Variants in ABCE1 observed in about 807,000 individuals in gnomAD.
The protein encoded by ABCE1 is ATP binding cassette subfamily E member 1, also known as ATP-binding cassette sub-family E member 1.
A neutral mutation model predicts 83.4 loss-of-function variants in ABCE1; 22 were observed. The observed-to-expected ratio is 0.26, with a 90% CI of 0.19 to 0.38. ABCE1 has a LOEUF of 0.38. ABCE1 is among the 10% of genes least tolerant of loss of function. The pLI is 1.00. For synonymous variants in ABCE1, 204 were observed against 233.7 expected, an observed-to-expected ratio of 0.87 and a Z score of 1.16; for missense variants, 330 against 721.9, an observed-to-expected ratio of 0.46 and a Z score of 6.22.
chr4:145,104,382 A>G lies in ABCE1; in HGVS notation c.-27-4A>G. On this transcript the variant is annotated splice_region_variant and splice_polypyrimidine_tract_variant and intron_variant, in intron 1 of 17. Transcript: ENST00000296577. ...CATTAAATTTGTTGATTTTTCTTTC[A>G]TAGAAGAGCTGGATATTCTTTCGCC... The G allele has an allele frequency of 6.8e-7, 1 of 1,467,554 alleles. No individual in the cohort carries two copies. The highest frequency in any genetic ancestry group is 9.3e-7 in the Non-Finnish European group (1 of 1,072,106). The allele number at this position is 1,467,554 out of a possible 1,614,324, so 90.9% of individuals were successfully genotyped here. A position where few individuals can be genotyped will look rare whatever the true frequency, so the allele number is the denominator to read the frequency against.
intron 14 of ABCE1, 33 bp from the exon 15 acceptor site, chr4:145,123,182 C>T (rs770460602): frequency 1.9e-6 from 3 of 1,593,020 alleles, no homozygotes; most frequent in Non-Finnish European, 2.6e-6. Flanking sequence ...ATTTTGGATG[C>T]CTTTACATGG....
At chr4:145,110,887 C>A in intron 7 of ABCE1, 81 bp from the exon 8 acceptor site, 2 of 887,566 alleles carry the variant, frequency 2.3e-6, no homozygotes, top group Non-Finnish European at 3.5e-6. Context: ...AGCATTCAAA[C>A]TTCAAATGAT....
intron 8 of ABCE1, 123 bp from the exon 9 acceptor site, chr4:145,112,116 A>G (rs1473250587): frequency 6.3e-6 from 4 of 636,206 alleles, no homozygotes; most frequent in African/African-American, 1.9e-5. Context: ...CTTCATTACT[A>G]TTGGAGATTT....
intron 16 of ABCE1, among the ~76,000 whole-genome samples, chr4:145,124,753 C>G (rs969737333): frequency 1.3e-5 from 2 of 152,082 alleles, no homozygotes; most frequent in African/African-American, 4.8e-5. Context: ...GATTAGAAAT[C>G]CAGGTTAAAT....
Position 145,128,683 on chromosome 4 carries a change from TCTGA to T in ABCE1, c.*1113_*1116del, listed in dbSNP as rs1749958799. ...GCCTGGAGCCACTTTAAGTTGTACT[TCTGA>T]CTAAACTGGAATTATGAGTGAGGAA... is the stretch of plus-strand genomic sequence containing the variant. On this transcript the variant is annotated 3_prime_UTR_variant, in exon 18 of 18. Coordinates refer to ENST00000296577, the MANE Select transcript of ABCE1 (RefSeq NM_002940.3). The T allele has an allele frequency of 6.6e-6, 1 of 152,208 alleles. No individual in the cohort carries two copies. Among genetic ancestry groups the T allele is most frequent in the Non-Finnish European group, 1.5e-5 (1 of 68,030 alleles). The allele number at this position is 152,208 out of a possible 1,614,324, so 9.4% of individuals were successfully genotyped here. A position where few individuals can be genotyped will look rare whatever the true frequency, so the allele number is the denominator to read the frequency against.
intron 17 of ABCE1, among the ~76,000 whole-genome samples, 178 bp from the exon 18 acceptor site, chr4:145,127,348 G>A (rs1749914077): frequency 6.6e-6 from 1 of 152,172 alleles, no homozygotes; most frequent in Non-Finnish European, 1.5e-5. Flanking sequence ...TGGGGCAGAG[G>A]TAGTTATCTT....
At position 145,111,110 on chromosome 4, in the gene ABCE1, G is replaced by A. The variant is rs1199853648; in HGVS notation, c.710+46G>A. On this transcript the variant is annotated intron_variant, in intron 8 of 17. Transcript: ENST00000296577. ...TGTTTATCTTCATCCGTATTGTAGA[G>A]TTTTCAGTTGTGATGCTGCTAATAG... 3.8e-6 allele frequency: 5 copies of A among 1,299,632 alleles called. No homozygotes were observed. The African/African-American group carries it at 6.0e-5, about 16-fold the overall frequency. The allele number at this position is 1,299,632 out of a possible 1,614,324, so 80.5% of individuals were successfully genotyped here. A position where few individuals can be genotyped will look rare whatever the true frequency, so the allele number is the denominator to read the frequency against.
At chr4:145,110,565 T>C in intron 7 of ABCE1, 121 bp downstream of exon 7, 1 of 953,714 alleles carries the variant, frequency 1.0e-6, no homozygotes, top group South Asian at 1.6e-5. Flanking sequence ...AACCTCTGCC[T>C]CCCGGGTTCA....
At chr4:145,098,900 C>CA (rs1560953033) in intron 1 of ABCE1, among the ~76,000 whole-genome samples, 1 of 152,218 alleles carries the variant, frequency 6.6e-6, no homozygotes, top group Non-Finnish European at 1.5e-5. Flanking sequence ...ATCTTGCCGC[C>CA]ATGAAGTCGA....
At chr4:145,127,366 A>T (rs1749914472) in intron 17 of ABCE1, among the ~76,000 whole-genome samples, 160 bp from the exon 18 acceptor site, 1 of 152,132 alleles carries the variant, frequency 6.6e-6, no homozygotes, top group Admixed American at 6.5e-5. Flanking sequence ...CTTTCCTTTG[A>T]GCAGTGGACC....
intron 17 of ABCE1, 59 bp downstream of exon 17, chr4:145,125,160 G>A: frequency 7.9e-7 from 1 of 1,264,874 alleles, no homozygotes; most frequent in Non-Finnish European, 1.1e-6. Flanking sequence ...ACACTTGAAA[G>A]GCTATTTAAA....
At chr4:145,119,893 C>T (rs576480988) in intron 10 of ABCE1, 39 bp from the exon 11 acceptor site, 2 of 1,503,444 alleles carry the variant, frequency 1.3e-6, no homozygotes, top group Admixed American at 3.4e-5. Context: ...GATTTTGGCT[C>T]TAATGATTTC....
At position 145,112,178 on chromosome 4, in the gene ABCE1, T is replaced by C. The variant is rs149383014; in HGVS notation, c.711-61T>C. ...GATACTACAGTGCTTTAAAATAGTATGTAAGGTAGAATGTCTTGTCTTTCA... is the reference window on the plus strand; with the variant it reads ...GATACTACAGTGCTTTAAAATAGTACGTAAGGTAGAATGTCTTGTCTTTCA... On this transcript the variant is annotated intron_variant, in intron 8 of 17. Coordinates refer to ENST00000296577, the MANE Select transcript of ABCE1 (RefSeq NM_002940.3). The C allele has an allele frequency of 4.2e-3, 5,112 of 1,208,100 alleles. 18 individuals are homozygous for C. Among genetic ancestry groups the C allele is most frequent in the Non-Finnish European group, 5.1e-3 (4,371 of 864,050 alleles). 74.8% of individuals were successfully genotyped at this position (1,208,100 alleles called of 1,614,324 possible). A position where few individuals can be genotyped will look rare whatever the true frequency, so the allele number is the denominator to read the frequency against.
At chr4:145,107,418 C>A (rs1749340929) in intron 3 of ABCE1, among the ~76,000 whole-genome samples, 1 of 152,028 alleles carries the variant, frequency 6.6e-6, no homozygotes. Context: ...GAATATAAAG[C>A]CATATATTCA....
chr4:145,112,216 C>CTTTTTTTTTTT (rs4148239), intron 8 of ABCE1, 23 bp from the exon 9 acceptor site: 8 of 1,130,614 alleles, frequency 7.1e-6, no homozygotes, highest in East Asian at 2.7e-5. Context: ...CTTATATTTG[C>CTTTTTTTTTTT]TTTTTTTTTT....
At position 145,128,926 on chromosome 4, in the gene ABCE1, A is replaced by G. The variant is rs1418371714; in HGVS notation, c.*1353A>G. The G allele has an allele frequency of 6.6e-6, 1 of 152,182 alleles. No homozygotes were observed. Among genetic ancestry groups the G allele is most frequent in the African/African-American group, 2.4e-5 (1 of 41,440 alleles). The allele number at this position is 152,182 out of a possible 1,614,324, so 9.4% of individuals were successfully genotyped here. Reference sequence around the variant, plus strand: ...GTTGTAAAAAATTCAAATATACAGAATGGAATAAAAAAATGATCTCCCTTT... The same window carrying G: ...GTTGTAAAAAATTCAAATATACAGAGTGGAATAAAAAAATGATCTCCCTTT... On this transcript the variant is annotated 3_prime_UTR_variant, in exon 18 of 18. Coordinates refer to ENST00000296577, the MANE Select transcript of ABCE1 (RefSeq NM_002940.3).
intron 2 of ABCE1, 73 bp from the exon 3 acceptor site, chr4:145,105,532 T>A (rs1367203821): frequency 2.0e-6 from 2 of 1,022,010 alleles, no homozygotes; most frequent in Non-Finnish European, 2.9e-6. Context: ...AGAACCAGCA[T>A]TGCCTAAATA....
At chr4:145,122,203 C>T (rs1175555172) in intron 13 of ABCE1, 3 of 152,208 alleles carry the variant, frequency 2.0e-5, no homozygotes, top group Non-Finnish European at 4.4e-5. Context: ...CTCCTCAGTA[C>T]CTCAACATTC....
chr4:145,120,726 A>T (rs1394693292), intron 11 of ABCE1, among the ~76,000 whole-genome samples: 1 of 152,132 alleles, frequency 6.6e-6, no homozygotes, highest in Non-Finnish European at 1.5e-5. Flanking sequence ...GATAAATTTT[A>T]TATAAAGATT....
Sources: allele counts gnomAD v4.1 joint callset (sites outside exome capture counted in the v4.1 genomes callset), GRCh38; gene constraint gnomAD v4.1.1; transcripts MANE v1.5; gene names NCBI Gene and HGNC (gene_info 2026-07-23, HGNC 2026-07-21).